Variants in PACRG observed in about 807,000 individuals in gnomAD.
The protein encoded by PACRG is parkin coregulated, also known as parkin coregulated gene protein.
In PACRG, 29 loss-of-function variants were observed where a neutral mutation model predicts 29.7. The observed-to-expected ratio is 0.98, with a 90% CI of 0.73 to 1.33. The LOEUF (loss-of-function observed/expected upper bound fraction) is 1.33. Among genes scored for constraint, PACRG ranks in the 40% most tolerant of loss-of-function variants. PACRG has a pLI of 0.00. For synonymous variants in PACRG, 116 were observed against 118.7 expected (o/e 0.98, Z 0.15); for missense variants, 279 against 316.2 (o/e 0.88, Z 0.89).
rs564438188 is a variant in PACRG at position 162,922,432 on chromosome 6, G to C, written c.291+108151G>C. Among the ~76,000 whole-genome samples, 6 of 151,432 alleles carry C rather than the reference G, an allele frequency of 4.0e-5. No homozygotes were observed. In the East Asian group the frequency reaches 1.2e-3, roughly 29 times the overall value. On this transcript the variant is annotated intron_variant, in intron 2 of 4. Transcript: ENST00000366888. ...AGACATTTATCATTGCCACGTGTAA[G>C]GAACATTCAAATTCTTTTACCTTTT...
chr6:163,132,378 A>G (rs1024401382), intron 4 of PACRG, among the ~76,000 whole-genome samples: 4 of 152,366 alleles, frequency 2.6e-5, no homozygotes, highest in African/African-American at 4.8e-5. Flanking sequence ...AGTAAAGAAG[A>G]ATCCAAACTT....
chr6:163,098,633 A>G (rs575530237), intron 4 of PACRG, among the ~76,000 whole-genome samples: 5 of 152,312 alleles, frequency 3.3e-5, no homozygotes, highest in African/African-American at 1.2e-4. Context: ...TCCAGATCCA[A>G]AGAGAGCATT....
At chr6:163,278,618 T>G (rs1490629442) in intron 4 of PACRG, among the ~76,000 whole-genome samples, 1 of 152,162 alleles carries the variant, frequency 6.6e-6, no homozygotes, top group Non-Finnish European at 1.5e-5. Flanking sequence ...AGTTTTTGTT[T>G]GCTTTGTCAA....
intron 2 of PACRG, among the ~76,000 whole-genome samples, chr6:162,866,496 G>T (rs1343595398): frequency 6.6e-6 from 1 of 152,084 alleles, no homozygotes; most frequent in Non-Finnish European, 1.5e-5. Flanking sequence ...AACCCTATGA[G>T]CCATAGAGCT....
intron 4 of PACRG, among the ~76,000 whole-genome samples, chr6:163,226,722 G>A (rs1357601412): frequency 3.9e-5 from 6 of 152,194 alleles, no homozygotes; most frequent in East Asian, 1.9e-4. Context: ...CCCAGCCATC[G>A]GTGGCTCACA....
At chr6:163,181,482 T>G (rs1779658462) in intron 4 of PACRG, among the ~76,000 whole-genome samples, 1 of 151,936 alleles carries the variant, frequency 6.6e-6, no homozygotes, top group Admixed American at 6.6e-5. Context: ...TCCCAGTCTC[T>G]GTGTCTCGTG....
intron 4 of PACRG, among the ~76,000 whole-genome samples, chr6:163,166,830 T>C (rs934517897): frequency 6.6e-6 from 1 of 152,220 alleles, no homozygotes; most frequent in Non-Finnish European, 1.5e-5. Flanking sequence ...GAGTATAAAA[T>C]TGGACAAAAT....
chr6:163,115,057 C>T (rs940697394), intron 4 of PACRG, among the ~76,000 whole-genome samples: 2 of 152,090 alleles, frequency 1.3e-5, no homozygotes, highest in Non-Finnish European at 2.9e-5. Context: ...CTATGATTTC[C>T]CAGTGACATG....
intron 4 of PACRG, among the ~76,000 whole-genome samples, chr6:163,255,630 G>C (rs909575209): frequency 1.4e-5 from 2 of 145,010 alleles, no homozygotes; most frequent in East Asian, 1.9e-4. Flanking sequence ...TCTTCTTCTT[G>C]TTCTTTTTTT....
rs1554279230 is a variant in PACRG, at chr6:162,787,580, GTGTATATA to G, written c.157-26565_157-26558del. On this transcript the variant is annotated intron_variant, in intron 1 of 4. Transcript: ENST00000366888. ...TTATTGTGTGTGTGTGTGTGTGTGTGTGTATATATATATATATATATATATATATATAT... is the reference window on the plus strand; with the variant it reads ...TTATTGTGTGTGTGTGTGTGTGTGTGTATATATATATATATATATATATAT... Among the ~76,000 whole-genome samples the G allele has an allele frequency of 4.6e-3, 317 of 69,130 alleles. 4 individuals are homozygous for G. The highest frequency in any genetic ancestry group is 5.0e-3 in the Non-Finnish European group (180 of 35,798). The allele number at this position is 69,130 out of a possible 152,430, so 45.4% of individuals were successfully genotyped here. A position where few individuals can be genotyped will look rare whatever the true frequency, so the allele number is the denominator to read the frequency against.
intron 1 of PACRG, among the ~76,000 whole-genome samples, chr6:162,766,624 T>C (rs1413052917): frequency 6.6e-6 from 1 of 152,222 alleles, no homozygotes; most frequent in African/African-American, 2.4e-5. Context: ...CTTGAATCTA[T>C]TTTGTTTCTT....
chr6:162,826,926 A>G (rs1788336615), intron 2 of PACRG, among the ~76,000 whole-genome samples: 1 of 152,208 alleles, frequency 6.6e-6, no homozygotes, highest in Non-Finnish European at 1.5e-5. Context: ...TAAGTTGCAT[A>G]ACATTTTACT....
intron 1 of PACRG, among the ~76,000 whole-genome samples, chr6:162,770,406 T>A (rs1333787773): frequency 6.6e-6 from 1 of 152,170 alleles, no homozygotes; most frequent in Non-Finnish European, 1.5e-5. Flanking sequence ...TCAGCTCCAT[T>A]TTCCACAGTT....
At chr6:162,768,465 CAT>C (rs1782968775) in intron 1 of PACRG, among the ~76,000 whole-genome samples, 1 of 151,936 alleles carries the variant, frequency 6.6e-6, no homozygotes, top group African/African-American at 2.4e-5. Context: ...ACATTAGAAA[CAT>C]TATTTATTGC....
intron 1 of PACRG, among the ~76,000 whole-genome samples, chr6:162,811,553 G>GA (rs895774331): frequency 5.9e-5 from 9 of 151,750 alleles, no homozygotes; most frequent in South Asian, 2.1e-4. Flanking sequence ...GACTGACGCA[G>GA]AAAAAAATTG....
intron 4 of PACRG, among the ~76,000 whole-genome samples, chr6:163,096,209 T>C (rs1814568889): frequency 6.6e-6 from 1 of 152,126 alleles, no homozygotes; most frequent in African/African-American, 2.4e-5. Flanking sequence ...AGCTCACACT[T>C]CCAACAGCTC....
At chr6:162,926,435 G>T (rs1470614909) in intron 2 of PACRG, among the ~76,000 whole-genome samples, 1 of 152,014 alleles carries the variant, frequency 6.6e-6, no homozygotes, top group Non-Finnish European at 1.5e-5. Context: ...AAACAACATG[G>T]CACTGGTACC....
chr6:162,885,673 C>T (rs935456002), intron 2 of PACRG, among the ~76,000 whole-genome samples: 1 of 152,098 alleles, frequency 6.6e-6, no homozygotes, highest in Non-Finnish European at 1.5e-5. Context: ...CCTGTATTTC[C>T]TTGAGGAGCA....
At chr6:162,984,276 T>C (rs1411735555) in intron 2 of PACRG, among the ~76,000 whole-genome samples, 5 of 152,090 alleles carry the variant, frequency 3.3e-5, no homozygotes, top group Admixed American at 2.0e-4. Flanking sequence ...CTATGCTTGG[T>C]CTTCCATTCC....
Sources: allele counts gnomAD v4.1 joint callset (sites outside exome capture counted in the v4.1 genomes callset), GRCh38; gene constraint gnomAD v4.1.1; transcripts MANE v1.5; gene names NCBI Gene and HGNC (gene_info 2026-07-23, HGNC 2026-07-21).